The following RNF111 variants were observed in gnomAD, a reference collection of about 807,000 sequenced individuals.
The protein encoded by RNF111 is ring finger protein 111.
In RNF111, 17 loss-of-function variants were observed where a neutral mutation model predicts 95.1. The observed-to-expected ratio is 0.18, with a 90% CI of 0.12 to 0.27. The LOEUF (loss-of-function observed/expected upper bound fraction) is 0.27, where lower values mean the gene tolerates loss of function less well. RNF111 is among the 10% of genes least tolerant of loss of function. The pLI, the probability that RNF111 is intolerant of heterozygous loss-of-function variation, is 1.00. For missense variants in RNF111, 1,189 were observed against 1,210.4 expected, an observed-to-expected ratio of 0.98 and a Z score of 0.26; for synonymous variants, 440 against 414.8, an observed-to-expected ratio of 1.06 and a Z score of -0.74.
At chr15:59,088,536 A>G (rs1424667282) in intron 10 of RNF111, among the ~76,000 whole-genome samples, 1 of 152,236 alleles carries the variant, frequency 6.6e-6, no homozygotes, top group African/African-American at 2.4e-5. Context: ...TGCTTAAAGT[A>G]TGTTGTGATT....
intron 1 of RNF111, among the ~76,000 whole-genome samples, chr15:58,999,768 T>G (rs542072384): frequency 1.6e-4 from 25 of 152,316 alleles, no homozygotes; most frequent in African/African-American, 5.1e-4. Context: ...AAAAGGGGTT[T>G]AATTGGCTCA....
chr15:59,070,813 C>T (rs1015676612), intron 6 of RNF111, among the ~76,000 whole-genome samples: 71 of 152,250 alleles, frequency 4.7e-4, no homozygotes, highest in South Asian at 2.1e-4. Context: ...TGGTTCCTCT[C>T]GGGACTGTTG....
intron 2 of RNF111, among the ~76,000 whole-genome samples, chr15:59,045,829 T>C (rs1264650623): frequency 6.6e-6 from 1 of 152,258 alleles, no homozygotes; most frequent in Admixed American, 6.5e-5. Flanking sequence ...ATTGTGTTTA[T>C]GATTATGAAG....
chr15:59,082,705 T>C lies in RNF111; in HGVS notation c.2297+1421T>C, dbSNP rs543163458. On this transcript the variant is annotated intron_variant, in intron 8 of 13. Transcript: ENST00000348370. ...GTTACAACAGAGAACATACGGCCTG[T>C]AGAGCTGAAAAAATTTCCCGTTTTA... Among the ~76,000 whole-genome samples, 36 of 152,280 alleles carry C rather than the reference T, an allele frequency of 2.4e-4. No individual in the cohort carries two copies. In the South Asian group the frequency reaches 5.0e-3, roughly 21 times the overall value.
At chr15:58,991,334 G>A (rs558882447) in intron 1 of RNF111, among the ~76,000 whole-genome samples, 12 of 152,130 alleles carry the variant, frequency 7.9e-5, no homozygotes, top group African/African-American at 1.9e-4. Context: ...ACTTAGCTGA[G>A]CTTACATTTT....
chr15:59,087,886 A>G (rs2078942198), intron 10 of RNF111, among the ~76,000 whole-genome samples: 1 of 152,182 alleles, frequency 6.6e-6, no homozygotes, highest in African/African-American at 2.4e-5. Context: ...TTGGCAGTAG[A>G]GTGGTTATTG....
At chr15:59,036,390 T>A (rs2041179649) in intron 2 of RNF111, among the ~76,000 whole-genome samples, 1 of 152,144 alleles carries the variant, frequency 6.6e-6, no homozygotes, top group Non-Finnish European at 1.5e-5. Context: ...GGAAAGAGGT[T>A]TAATTGACTC....
In RNF111 at chr15:59,000,163, C is replaced by CTT. The variant is rs71425835; in HGVS notation, c.-20+12112_-20+12113dup. Among the ~76,000 whole-genome samples, 52 of 132,082 alleles carry CTT rather than the reference C, an allele frequency of 3.9e-4. 1 individual carries two copies. The highest frequency in any genetic ancestry group is 2.0e-3 in the East Asian group (9 of 4,578). The allele number at this position is 132,082 out of a possible 152,430, so 86.7% of individuals were successfully genotyped here. A position where few individuals can be genotyped will look rare whatever the true frequency, so the allele number is the denominator to read the frequency against. On this transcript the variant is annotated intron_variant, in intron 1 of 13. Transcript: ENST00000348370. ...GATCTTCCAGTGATTTTTTTTTTCC[C>CTT]TTTTTTTTTTTTTTTTTTGAGACAG...
chr15:58,996,667 T>C (rs996366542), intron 1 of RNF111, among the ~76,000 whole-genome samples: 4 of 149,058 alleles, frequency 2.7e-5, no homozygotes, highest in African/African-American at 9.9e-5. Flanking sequence ...TTTTTTTTTT[T>C]TTTTTTTTTT....
At chr15:59,033,968 C>T (rs2041044722) in intron 2 of RNF111, among the ~76,000 whole-genome samples, 1 of 152,092 alleles carries the variant, frequency 6.6e-6, no homozygotes. Context: ...ATAACATTCA[C>T]ACGATATGGA....
chr15:59,000,760 A>T (rs2039292681), intron 1 of RNF111, among the ~76,000 whole-genome samples: 1 of 151,692 alleles, frequency 6.6e-6, no homozygotes, highest in Non-Finnish European at 1.5e-5. Context: ...CCAATTTTTG[A>T]TGGTAGATGA....
chr15:59,066,995 G>A lies in RNF111; in HGVS notation c.1598G>A (p.Ser533Asn). 1 of 1,614,114 alleles carries A rather than the reference G, an allele frequency of 6.2e-7. No individual in the cohort carries two copies. Among genetic ancestry groups the A allele is most frequent in the African/African-American group, 1.3e-5 (1 of 74,988 alleles). ...GCTGTCCCAGTTTCTCCTTCCTTTA[G>A]TGATCCTGCTTGCCCTGTGGAAAGA... is the stretch of plus-strand genomic sequence containing the variant. Reference protein sequence around the residue: ...HPAVPVSPSFSDPACPVERPP... With the variant: ...HPAVPVSPSFNDPACPVERPP... The change falls in exon 6 of 14, where the codon AGT becomes AAT. Residue 533 changes from serine (S) to asparagine (N), a missense_variant. Ser to Asn is a conservative substitution (Grantham distance 46, BLOSUM62 1). This residue lies in a region of RNF111 where 1,024 missense variants were observed against 925.9 expected (regional missense o/e 1.11). Coordinates refer to ENST00000348370, the MANE Select transcript of RNF111 (RefSeq NM_017610.8).
At chr15:59,075,815 C>A in intron 6 of RNF111, 139 bp from the exon 7 acceptor site, 1 of 884,298 alleles carries the variant, frequency 1.1e-6, no homozygotes, top group Non-Finnish European at 1.7e-6. Context: ...CTCACTGGTT[C>A]TTCATACTAA....
chr15:59,056,073 T>C (rs894467696), intron 4 of RNF111, among the ~76,000 whole-genome samples: 2 of 152,110 alleles, frequency 1.3e-5, no homozygotes, highest in African/African-American at 4.8e-5. Context: ...CAGGAAAAAA[T>C]ATTTTTGTAA....
intron 1 of RNF111, among the ~76,000 whole-genome samples, chr15:59,004,889 G>A (rs2039469593): frequency 1.3e-5 from 2 of 152,184 alleles, no homozygotes; most frequent in African/African-American, 2.4e-5. Flanking sequence ...GAATCTGACA[G>A]CATAGTAAGA....
Position 58,996,649 on chromosome 15 carries a change from C to CTTTTTTTTTTTT in RNF111, c.-20+8599_-20+8610dup, listed in dbSNP as rs60350601. Among the ~76,000 whole-genome samples the CTTTTTTTTTTTT allele has an allele frequency of 6.9e-4, 70 of 100,758 alleles. 4 individuals carry two copies. The highest frequency in any genetic ancestry group is 2.0e-3 in the African/African-American group (50 of 25,634). The allele number at this position is 100,758 out of a possible 152,430, so 66.1% of individuals were successfully genotyped here. A position where few individuals can be genotyped will look rare whatever the true frequency, so the allele number is the denominator to read the frequency against. ...GTGATTGAAAACTCATCAGTACTTT[C>CTTTTTTTTTTTT]TTTTTTTTTTTTTTTTTTTTTTTTT... On this transcript the variant is annotated intron_variant, in intron 1 of 13. Transcript: ENST00000348370.
intron 2 of RNF111, among the ~76,000 whole-genome samples, chr15:59,034,777 C>T (rs942790230): frequency 1.3e-5 from 2 of 152,150 alleles, no homozygotes; most frequent in Admixed American, 1.3e-4. Flanking sequence ...AGAACTTGAA[C>T]TCAGGCTTTC....
At position 59,004,520 on chromosome 15, in the gene RNF111, G is replaced by C. The variant is rs546684408; in HGVS notation, c.-20+16452G>C. Among the ~76,000 whole-genome samples the C allele has an allele frequency of 1.2e-4, 18 of 152,284 alleles. No homozygotes were observed. The South Asian group carries it at 3.7e-3, about 32-fold the overall frequency. On this transcript the variant is annotated intron_variant, in intron 1 of 13. Coordinates refer to ENST00000348370, the MANE Select transcript of RNF111 (RefSeq NM_017610.8). ...TAAAAATTCAAACCATAAAAGGTTT[G>C]TTAAATAAAGTAGCTGACATCAGTA...
chr15:59,060,278 T>C (rs2042376226), intron 5 of RNF111, among the ~76,000 whole-genome samples: 1 of 152,064 alleles, frequency 6.6e-6, no homozygotes, highest in African/African-American at 2.4e-5. Context: ...CTTGGGTATC[T>C]TATATGTTAT....
Sources: gnomAD v4.1 joint callset for allele counts (sites outside exome capture counted in the v4.1 genomes callset) on GRCh38, gnomAD v4.1.1 for gene constraint, gnomAD v4.1.1 regional missense constraint, MANE v1.5 for transcripts, NCBI Gene and HGNC (gene_info 2026-07-23, HGNC 2026-07-21) for gene names.